GAK: variants seen among roughly 807,000 people sequenced by gnomAD.
The protein encoded by GAK is cyclin-G-associated kinase.
In GAK, 79 loss-of-function variants were observed where a neutral mutation model predicts 143.9. The observed-to-expected ratio is 0.55, with a 90% CI of 0.46 to 0.66. The LOEUF (loss-of-function observed/expected upper bound fraction) is 0.66, where lower values mean the gene tolerates loss of function less well. Ranked by LOEUF, GAK falls within the 30% of genes least tolerant of loss-of-function variation. The pLI is 0.00. For synonymous variants in GAK, 881 were observed against 765.5 expected (o/e 1.15, Z -2.49); for missense variants, 1,693 against 1,779.7 (o/e 0.95, Z 0.88).
intron 19 of GAK, 143 bp from the exon 20 acceptor site, chr4:868,828 C>T (rs1470279382): frequency 1.7e-5 from 13 of 770,784 alleles, no homozygotes; most frequent in East Asian, 2.7e-5. Context: ...AATGACATGA[C>T]GGGGAGGGGC....
At chr4:871,616 G>A (rs1311435691) in intron 18 of GAK, among the ~76,000 whole-genome samples, 1 of 152,052 alleles carries the variant, frequency 6.6e-6, no homozygotes, top group Non-Finnish European at 1.5e-5. Context: ...AGGTCAGCAG[G>A]GCCTGCCTTG....
rs998234710 is a variant in GAK at position 911,706 on chromosome 4, C to A, written c.349G>T (p.Ala117Ser). Reference protein sequence around the residue: ...IGKEESDTGQAEFLLLTELCK... With the variant: ...IGKEESDTGQSEFLLLTELCK... ...AGCTCTGTGAGCAAGAGGAACTCAG[C>A]CTGCCCCGTGTCTGACTCCTCTTTT... Residue 117 changes from alanine (A) to serine (S), a missense_variant, in exon 4 of 28, where the codon GCT becomes TCT. Ala to Ser is a moderately conservative substitution (Grantham distance 99). Coordinates refer to ENST00000314167, the MANE Select transcript of GAK (RefSeq NM_005255.4). 6.2e-7 allele frequency: 1 copy of A among 1,613,824 alleles called. No homozygotes were observed. Among genetic ancestry groups the A allele is most frequent in the Non-Finnish European group, 8.5e-7 (1 of 1,179,798 alleles).
chr4:908,631 C>T (rs1461025051), intron 4 of GAK, among the ~76,000 whole-genome samples: 2 of 152,068 alleles, frequency 1.3e-5, no homozygotes, highest in East Asian at 1.9e-4. Context: ...AAAGTTTACT[C>T]TTTAAAATTA....
At position 932,302 on chromosome 4, in the gene GAK, C is replaced by T. The variant is rs1726034251; in HGVS notation, c.-115G>A. ...GGCCCGGAGGTGCACCATCTTCCGCCTCGACGCCGTGACGTAGGCGCCCGT... is the reference window on the plus strand; with the variant it reads ...GGCCCGGAGGTGCACCATCTTCCGCTTCGACGCCGTGACGTAGGCGCCCGT... On this transcript the variant is annotated 5_prime_UTR_variant, in exon 1 of 28. Transcript: ENST00000314167. This position sits in a 1 kb window ranked among gnomAD's most constrained non-coding sequence, Gnocchi z 4.0. The T allele has an allele frequency of 1.4e-6, 2 of 1,382,436 alleles. No individual in the cohort carries two copies. The highest frequency in any genetic ancestry group is 3.7e-5 in the Admixed American group (1 of 27,180). 85.6% of individuals were successfully genotyped at this position (1,382,436 alleles called of 1,614,324 possible).
At chr4:876,048 G>C (rs578064647) in intron 18 of GAK, among the ~76,000 whole-genome samples, 1 of 151,966 alleles carries the variant, frequency 6.6e-6, no homozygotes, top group South Asian at 2.1e-4. Flanking sequence ...GGTATGCGCT[G>C]TTGGGCACCA....
rs967596673 is a variant in GAK at position 881,902 on chromosome 4, A to G, written c.1661+5T>C. 1.9e-6 allele frequency: 3 copies of G among 1,581,920 alleles called. No homozygotes were observed. Among genetic ancestry groups the G allele is most frequent in the Non-Finnish European group, 2.6e-6 (3 of 1,163,154 alleles). ...GTCCCCTGTCCCCGGAGGGCCACGC[A>G]GTACCTTTTGTGGGATGGCCAGATG... On this transcript the variant is annotated splice_donor_5th_base_variant and intron_variant, in intron 15 of 27. Transcript: ENST00000314167.
rs771138015 is a variant in GAK at position 867,436 on chromosome 4, C to T, written c.2396-4G>A. On this transcript the variant is annotated splice_region_variant and splice_polypyrimidine_tract_variant and intron_variant, in intron 20 of 27. Coordinates refer to ENST00000314167, the MANE Select transcript of GAK (RefSeq NM_005255.4). The stretch of plus-strand genomic sequence containing the variant: ...CCAGTCTCTGCCTCCTTCTCTTCTG[C>T]GAAAAGGAAACAAAACCACAGGCTA... 7.9e-6 allele frequency: 12 copies of T among 1,512,510 alleles called. No individual in the cohort carries two copies. The Admixed American group carries it at 1.5e-4, about 19-fold the overall frequency. The allele number at this position is 1,512,510 out of a possible 1,614,324, so 93.7% of individuals were successfully genotyped here. A position where few individuals can be genotyped will look rare whatever the true frequency, so the allele number is the denominator to read the frequency against.
At chr4:862,621 G>A (rs1343218880) in intron 23 of GAK, among the ~76,000 whole-genome samples, 1 of 150,882 alleles carries the variant, frequency 6.6e-6, no homozygotes, top group Non-Finnish European at 1.5e-5. Context: ...TCACACCACT[G>A]CACTCCAGCC....
At position 896,492 on chromosome 4, in the gene GAK, T is replaced by G; in HGVS notation, c.709A>C (p.Asn237His). The G allele has an allele frequency of 1.2e-6, 2 of 1,614,126 alleles. No individual in the cohort carries two copies. Among genetic ancestry groups the G allele is most frequent in the Non-Finnish European group, 1.7e-6 (2 of 1,179,980 alleles). ...TCCTGCTTCTCGCCGATCGGGAAGTTGGAATACAAGTCTATGATTTCTGGT... is the reference window on the plus strand; with the variant it reads ...TCCTGCTTCTCGCCGATCGGGAAGTGGGAATACAAGTCTATGATTTCTGGT... ...RTPEIIDLYS[N>H]FPIGEKQDIW... The change falls in exon 7 of 28, where the codon AAC (asparagine) becomes CAC (histidine). Residue 237 changes from asparagine (N) to histidine (H), a missense_variant. Asn to His is a moderately conservative substitution (Grantham distance 68). Around this residue, in one of 2 missense-constraint regions of GAK, gnomAD observed 871 missense variants for 991.0 expected, o/e 0.88. Transcript: ENST00000314167.
rs571412055 is a variant in GAK, at chr4:871,264, C to T, written c.2055-360G>A. 3.3e-5 allele frequency among the ~76,000 whole-genome samples: 5 copies of T among 152,356 alleles called. No individual in the cohort carries two copies. The South Asian group carries it at 6.2e-4, about 19-fold the overall frequency. ...GGGGAGGCCACGTGCTCAGAGCAGA[C>T]GGGACAACATCCCACAGCTGGAGAC... On this transcript the variant is annotated intron_variant, in intron 18 of 27. Transcript: ENST00000314167.
At chr4:878,744 G>A (rs1331436529) in intron 15 of GAK, among the ~76,000 whole-genome samples, 2 of 152,244 alleles carry the variant, frequency 1.3e-5, no homozygotes, top group African/African-American at 4.8e-5. Flanking sequence ...TGGTAGCACA[G>A]CTCTGGCTTT....
At chr4:865,060 T>C (rs770583561) in intron 23 of GAK, 62 bp downstream of exon 23, 4 of 1,575,098 alleles carry the variant, frequency 2.5e-6, no homozygotes, top group Non-Finnish European at 3.4e-6. Flanking sequence ...ACGTGTGAAA[T>C]AGAGACGGGC....
At chr4:914,798 A>G (rs1033183846) in intron 1 of GAK, among the ~76,000 whole-genome samples, 15 of 118,092 alleles carry the variant, frequency 1.3e-4, no homozygotes, top group South Asian at 3.2e-4. Context: ...CCCAGTGTGC[A>G]CGGCCCCATA....
rs1748191052 is a variant in GAK at position 851,787 on chromosome 4, C to G, written c.3471G>C (p.Gly1157=). Residue 1157 remains glycine, a synonymous_variant, in exon 25 of 28, where the codon GGG becomes GGC. Coordinates refer to ENST00000314167, the MANE Select transcript of GAK (RefSeq NM_005255.4). ...PNYASNFSVI[G]AREERGVRAP... ...CGCGGACCCCCCGCTCCTCCCGCGC[C>G]CCGATCACACTGAAGTTCGAGGCAT... is the stretch of plus-strand genomic sequence containing the variant. The G allele has an allele frequency of 6.2e-7, 1 of 1,612,904 alleles. No individual in the cohort carries two copies. Among genetic ancestry groups the G allele is most frequent in the Non-Finnish European group, 8.5e-7 (1 of 1,179,592 alleles).
At chr4:852,107 C>A in intron 24 of GAK, 133 bp from the exon 25 acceptor site, 1 of 796,682 alleles carries the variant, frequency 1.3e-6, no homozygotes, top group Non-Finnish European at 2.1e-6. Context: ...TCGAGGCCGT[C>A]CAGAGGTGCC....
chr4:913,259 C>T (rs1722357441), intron 2 of GAK, among the ~76,000 whole-genome samples: 1 of 152,234 alleles, frequency 6.6e-6, no homozygotes, highest in Non-Finnish European at 1.5e-5. Context: ...TACAGAAATG[C>T]TAGCAACAAA....
At chr4:931,463 G>GT (rs958894021) in intron 1 of GAK, among the ~76,000 whole-genome samples, 1 of 126,330 alleles carries the variant, frequency 7.9e-6, no homozygotes, top group African/African-American at 3.1e-5. Flanking sequence ...TGCAACACGT[G>GT]TGCACCCACC....
chr4:865,782 C>T (rs1362156481), intron 22 of GAK, among the ~76,000 whole-genome samples: 1 of 152,262 alleles, frequency 6.6e-6, no homozygotes, highest in Non-Finnish European at 1.5e-5. Context: ...CCGTGGACCA[C>T]GCTGCTGCCT....
intron 1 of GAK, among the ~76,000 whole-genome samples, chr4:925,316 C>G (rs1724539944): frequency 6.6e-6 from 1 of 152,128 alleles, no homozygotes; most frequent in East Asian, 1.9e-4. Flanking sequence ...AACCTTCCCC[C>G]ACACAGCCCA....
Sources: gnomAD v4.1 joint callset for allele counts (sites outside exome capture counted in the v4.1 genomes callset) on GRCh38, gnomAD v4.1.1 for gene constraint, gnomAD v4.1.1 regional missense constraint, Gnocchi (gnomAD v3.1) non-coding constraint, MANE v1.5 for transcripts, NCBI Gene and HGNC (gene_info 2026-07-23, HGNC 2026-07-21) for gene names.